PRDM16: variants seen among roughly 807,000 people sequenced by gnomAD.
PRDM16 encodes histone-lysine N-methyltransferase PRDM16.
PRDM16 carries 23 observed loss-of-function variants against 110.6 expected under a neutral mutation model. That is an observed-to-expected ratio of 0.21 (90% CI 0.15 to 0.29). PRDM16 has a LOEUF of 0.29. PRDM16 is among the 10% of genes least tolerant of loss of function. The probability of loss-of-function intolerance (pLI) is 1.00; values close to 1 mark genes in which losing one functional copy is unlikely to be tolerated. For synonymous variants in PRDM16, 799 were observed against 781.8 expected (o/e 1.02, Z -0.37); for missense variants, 1,615 against 1,794.3 (o/e 0.90, Z 1.81).
intron 1 of PRDM16, among the ~76,000 whole-genome samples, chr1:3,152,544 G>T (rs982528019): frequency 6.6e-6 from 1 of 152,222 alleles, no homozygotes; most frequent in African/African-American, 2.4e-5. Flanking sequence ...AAGGCTTGGA[G>T]GGGTTCTGAC....
At chr1:3,265,000 G>A (rs1432220281) in intron 3 of PRDM16, among the ~76,000 whole-genome samples, 2 of 151,932 alleles carry the variant, frequency 1.3e-5, no homozygotes, top group African/African-American at 4.8e-5. Flanking sequence ...CAAGCAGACA[G>A]ATGCAGATTT....
chr1:3,410,207 A>C (rs535536537), intron 8 of PRDM16, among the ~76,000 whole-genome samples: 23 of 152,046 alleles, frequency 1.5e-4, no homozygotes, highest in Non-Finnish European at 2.5e-4. Context: ...CTTTTTTCTT[A>C]GAAAAACAAG....
chr1:3,070,534 G>GCCGCCCGC (rs978437443), intron 1 of PRDM16, among the ~76,000 whole-genome samples: 1 of 148,200 alleles, frequency 6.7e-6, no homozygotes. Context: ...TCCTCTGCAG[G>GCCGCCCGC]CCGCCCGCCC....
chr1:3,099,832 C>A (rs764402025), intron 1 of PRDM16, among the ~76,000 whole-genome samples: 2 of 152,186 alleles, frequency 1.3e-5, no homozygotes, highest in Non-Finnish European at 1.5e-5. Context: ...AAGAGTGAAC[C>A]GTCGTGGGAG....
At chr1:3,293,772 C>T (rs762441773) in intron 3 of PRDM16, among the ~76,000 whole-genome samples, 1 of 152,010 alleles carries the variant, frequency 6.6e-6, no homozygotes, top group African/African-American at 2.4e-5. Context: ...GCCAGGGGTC[C>T]GGGAGTCGGC....
chr1:3,254,280 A>G (rs1640000926), intron 3 of PRDM16, among the ~76,000 whole-genome samples: 1 of 152,178 alleles, frequency 6.6e-6, no homozygotes, highest in African/African-American at 2.4e-5. Flanking sequence ...CACCACTCCT[A>G]TTCAACATAG....
At chr1:3,198,791 T>G (rs1048321136) in intron 2 of PRDM16, among the ~76,000 whole-genome samples, 1 of 152,160 alleles carries the variant, frequency 6.6e-6, no homozygotes, top group African/African-American at 2.4e-5. Context: ...CAGAGTTCCT[T>G]CCTTCTGGGC....
At chr1:3,266,222 G>T (rs1276786245) in intron 3 of PRDM16, among the ~76,000 whole-genome samples, 2 of 152,180 alleles carry the variant, frequency 1.3e-5, no homozygotes, top group East Asian at 3.9e-4. Context: ...TTTGTGCAAC[G>T]CTGGCCCTCT....
At chr1:3,291,916 C>A (rs1226933352) in intron 3 of PRDM16, among the ~76,000 whole-genome samples, 1 of 152,236 alleles carries the variant, frequency 6.6e-6, no homozygotes, top group African/African-American at 2.4e-5. Context: ...CTCCCAGGGC[C>A]CCTCCTGGGC....
intron 3 of PRDM16, among the ~76,000 whole-genome samples, chr1:3,345,342 C>T (rs576974067): frequency 7.2e-5 from 11 of 152,338 alleles, no homozygotes; most frequent in Middle Eastern, 6.8e-3. Context: ...ACAGAAGCTA[C>T]TCTACCACTG....
At chr1:3,167,322 C>T (rs1643969148) in intron 1 of PRDM16, among the ~76,000 whole-genome samples, 1 of 152,166 alleles carries the variant, frequency 6.6e-6, no homozygotes, top group Non-Finnish European at 1.5e-5. Context: ...GGAAATCCGT[C>T]ATCCGCAGAA....
rs535076398 is a variant in PRDM16, at chr1:3,396,592, C to T, written c.675C>T (p.Asp225=). The change falls in exon 5 of 17, where the codon GAC becomes GAT. Residue 225 remains aspartate (D), a splice_region_variant and synonymous_variant. Transcript: ENST00000270722. ...TGGGCACAGTGCCGCCCGGCCTGGA[C>T]GGTAAGACCCCTCCCCCAAACCGGG... ...YPLGTVPPGL[D]EEPTFRCDEC... 40 of 1,529,186 alleles carry T rather than the reference C, an allele frequency of 2.6e-5. 1 individual carries two copies. In the Admixed American group the frequency reaches 4.4e-4, roughly 17 times the overall value. The allele number at this position is 1,529,186 out of a possible 1,614,324, so 94.7% of individuals were successfully genotyped here.
chr1:3,428,109 C>A (rs1035556917), intron 14 of PRDM16, among the ~76,000 whole-genome samples: 3 of 152,116 alleles, frequency 2.0e-5, no homozygotes, highest in Admixed American at 2.0e-4. Flanking sequence ...GGAGCGTGTG[C>A]GGAGGCTGAA....
chr1:3,115,310 G>A (rs1458939306), intron 1 of PRDM16, among the ~76,000 whole-genome samples: 1 of 152,250 alleles, frequency 6.6e-6, no homozygotes, highest in Non-Finnish European at 1.5e-5. Context: ...CTGTGAGAAT[G>A]TGGTGGCCCC....
chr1:3,121,966 T>C (rs6704012), intron 1 of PRDM16, among the ~76,000 whole-genome samples: 29,868 of 152,242 alleles, frequency 0.2, 3,617 homozygotes, highest in South Asian at 0.32. Flanking sequence ...GGCCTTTCAG[T>C]TGGACCAGAG....
At chr1:3,204,099 C>G (rs973812075) in intron 2 of PRDM16, among the ~76,000 whole-genome samples, 1 of 152,226 alleles carries the variant, frequency 6.6e-6, no homozygotes, top group African/African-American at 2.4e-5. Context: ...ACGGTGGTGC[C>G]AACCCACGTC....
At chr1:3,266,510 T>C (rs1376996046) in intron 3 of PRDM16, among the ~76,000 whole-genome samples, 4 of 152,186 alleles carry the variant, frequency 2.6e-5, no homozygotes, top group African/African-American at 9.6e-5. Context: ...GTGAACTGCG[T>C]TGGAGGCATT....
intron 3 of PRDM16, among the ~76,000 whole-genome samples, chr1:3,249,720 G>A (rs770266392): frequency 4.6e-5 from 7 of 152,176 alleles, no homozygotes; most frequent in South Asian, 2.1e-4. Context: ...TTGCTTCGTC[G>A]CAGTAAGCCG....
At chr1:3,191,041 ACT>A (rs1456171739) in intron 2 of PRDM16, among the ~76,000 whole-genome samples, 2 of 152,068 alleles carry the variant, frequency 1.3e-5, no homozygotes, top group Admixed American at 6.5e-5. Flanking sequence ...TGCATCAGCC[ACT>A]GTCTCCCACC....
Sources: allele counts gnomAD v4.1 joint callset (sites outside exome capture counted in the v4.1 genomes callset), GRCh38; gene constraint gnomAD v4.1.1; transcripts MANE v1.5; gene names NCBI Gene and HGNC (gene_info 2026-07-23, HGNC 2026-07-21).